Variants in TRAPPC9 observed in about 807,000 individuals in gnomAD.
The protein encoded by TRAPPC9 is trafficking protein particle complex subunit 9.
Under a neutral mutation model 124.0 loss-of-function variants are expected in TRAPPC9, and 83 were observed. That is an observed-to-expected ratio of 0.67 (90% confidence interval 0.56 to 0.80). The LOEUF (loss-of-function observed/expected upper bound fraction) is 0.80, where lower values mean the gene tolerates loss of function less well. Ranked by LOEUF, TRAPPC9 falls within the 30% of genes least tolerant of loss-of-function variation. TRAPPC9 has a pLI of 0.00. For synonymous variants in TRAPPC9, 638 were observed against 617.5 expected, an observed-to-expected ratio of 1.03 and a Z score of -0.49; for missense variants, 1,302 against 1,508.3, an observed-to-expected ratio of 0.86 and a Z score of 2.27.
intron 21 of TRAPPC9, among the ~76,000 whole-genome samples, chr8:139,799,091 G>A (rs1456565114): frequency 1.3e-5 from 2 of 152,120 alleles, no homozygotes; most frequent in African/African-American, 4.8e-5. Flanking sequence ...CTGTGTCCCC[G>A]CTCAAATCTC....
chr8:139,874,110 G>C (rs1829171258), intron 21 of TRAPPC9, among the ~76,000 whole-genome samples: 1 of 152,256 alleles, frequency 6.6e-6, no homozygotes, highest in African/African-American at 2.4e-5. Context: ...GGATCCTTGG[G>C]AACTGACCAG....
chr8:140,297,869 G>A (rs952079953), intron 11 of TRAPPC9, among the ~76,000 whole-genome samples: 8 of 152,216 alleles, frequency 5.3e-5, no homozygotes, highest in African/African-American at 7.2e-5. Context: ...AAAACCAGCC[G>A]AGGGTGAGGA....
At chr8:140,420,075 A>C (rs963853987) in intron 5 of TRAPPC9, among the ~76,000 whole-genome samples, 19 of 152,212 alleles carry the variant, frequency 1.2e-4, no homozygotes, top group African/African-American at 4.6e-4. Context: ...TGTGACAATG[A>C]AATTAAGAAA....
At chr8:139,740,091 T>C (rs1047005946) in intron 21 of TRAPPC9, among the ~76,000 whole-genome samples, 3 of 152,310 alleles carry the variant, frequency 2.0e-5, no homozygotes, top group African/African-American at 7.2e-5. Flanking sequence ...CGAGCTACCA[T>C]GCTCCGCTCT....
At chr8:139,830,855 G>C (rs528593502) in intron 21 of TRAPPC9, among the ~76,000 whole-genome samples, 10 of 152,324 alleles carry the variant, frequency 6.6e-5, no homozygotes, top group African/African-American at 2.4e-4. Context: ...TGGTGACCAC[G>C]AACAGAGGGT....
chr8:139,935,953 T>A (rs1833484331), intron 19 of TRAPPC9, among the ~76,000 whole-genome samples: 1 of 152,170 alleles, frequency 6.6e-6, no homozygotes. Context: ...ATGTGACCTT[T>A]CCTGCTCCAG....
At chr8:140,259,468 A>AGGGCCCTGGGTTC (rs2064349065) in intron 15 of TRAPPC9, among the ~76,000 whole-genome samples, 1 of 152,170 alleles carries the variant, frequency 6.6e-6, no homozygotes, top group Admixed American at 6.5e-5. Context: ...TTCAGGACAA[A>AGGGCCCTGGGTTC]GGGCCCTGGG....
At chr8:139,868,833 T>C (rs936287169) in intron 21 of TRAPPC9, among the ~76,000 whole-genome samples, 1 of 152,160 alleles carries the variant, frequency 6.6e-6, no homozygotes, top group Admixed American at 6.5e-5. Flanking sequence ...TATATTCTAA[T>C]GAGGGTAGAG....
At chr8:139,799,337 T>C (rs1439760196) in intron 21 of TRAPPC9, among the ~76,000 whole-genome samples, 3 of 152,228 alleles carry the variant, frequency 2.0e-5, no homozygotes, top group Admixed American at 6.5e-5. Context: ...CAACCTTTTT[T>C]GCACTATCAG....
intron 21 of TRAPPC9, among the ~76,000 whole-genome samples, chr8:139,746,157 C>T (rs1240199593): frequency 2.0e-5 from 3 of 152,220 alleles, no homozygotes; most frequent in Admixed American, 1.3e-4. Context: ...AGCTCTGTGT[C>T]TCAAGGCCCT....
intron 19 of TRAPPC9, among the ~76,000 whole-genome samples, chr8:139,915,881 T>C (rs1482419558): frequency 6.6e-6 from 1 of 152,178 alleles, no homozygotes; most frequent in African/African-American, 2.4e-5. Context: ...TTTTGGAAAA[T>C]AAGAAGCATA....
chr8:139,777,816 A>T (rs1821495339), intron 21 of TRAPPC9, among the ~76,000 whole-genome samples: 1 of 152,258 alleles, frequency 6.6e-6, no homozygotes, highest in Non-Finnish European at 1.5e-5. Flanking sequence ...AAATGAAGTG[A>T]GCCCTAGAAT....
intron 20 of TRAPPC9, among the ~76,000 whole-genome samples, chr8:139,901,362 T>C (rs1262572634): frequency 6.6e-6 from 1 of 152,256 alleles, no homozygotes; most frequent in African/African-American, 2.4e-5. Flanking sequence ...TTAATGAGCC[T>C]CTTTGCCATG....
chr8:140,249,030 T>C (rs1490795845), intron 16 of TRAPPC9, among the ~76,000 whole-genome samples: 1 of 152,108 alleles, frequency 6.6e-6, no homozygotes, highest in African/African-American at 2.4e-5. Flanking sequence ...TTTTTTGTAA[T>C]TTCAACTTTT....
intron 19 of TRAPPC9, among the ~76,000 whole-genome samples, chr8:139,939,600 C>T (rs1333592967): frequency 1.3e-5 from 2 of 152,120 alleles, no homozygotes; most frequent in Non-Finnish European, 2.9e-5. Flanking sequence ...GCACCCCTGT[C>T]GTGGGGCTGA....
At chr8:140,388,629 G>A (rs2132332107) in intron 7 of TRAPPC9, among the ~76,000 whole-genome samples, 1 of 151,972 alleles carries the variant, frequency 6.6e-6, no homozygotes, top group East Asian at 1.9e-4. Flanking sequence ...GCTGTGGTGA[G>A]CTGAGATCAC....
rs1308684787 is a variant in TRAPPC9, at chr8:139,984,948, G to A, written c.2810+3778C>T. 6.6e-6 allele frequency among the ~76,000 whole-genome samples: 1 copy of A among 152,192 alleles called. No homozygotes were observed. The highest frequency in any genetic ancestry group is 1.9e-4 in the East Asian group (1 of 5,200). On this transcript the variant is annotated intron_variant, in intron 19 of 22. Transcript: ENST00000438773. The surrounding 1 kb of genome is among the most constrained non-coding windows in gnomAD (Gnocchi z 4.3). ...AGAAAAGGGCAGCCGCTCTGGCTGG[G>A]TTAGACACTTGTCCCAATGTGTTGC...
chr8:139,734,898 A>C (rs1041972739), intron 21 of TRAPPC9, among the ~76,000 whole-genome samples: 4 of 152,198 alleles, frequency 2.6e-5, no homozygotes, highest in South Asian at 4.1e-4. Flanking sequence ...TCTCTATTCT[A>C]GTGTTTTTCA....
intron 17 of TRAPPC9, among the ~76,000 whole-genome samples, chr8:140,037,517 C>T (rs1840971078): frequency 6.6e-6 from 1 of 152,050 alleles, no homozygotes; most frequent in South Asian, 2.1e-4. Context: ...CATAGCCGCT[C>T]CCAGCCCTTC....
Sources: gnomAD v4.1 joint callset for allele counts (sites outside exome capture counted in the v4.1 genomes callset) on GRCh38, gnomAD v4.1.1 for gene constraint, Gnocchi (gnomAD v3.1) non-coding constraint, MANE v1.5 for transcripts, NCBI Gene and HGNC (gene_info 2026-07-23, HGNC 2026-07-21) for gene names.